The following MGMT variants were observed in gnomAD, a reference collection of about 807,000 sequenced individuals.
The protein encoded by MGMT is methylated-DNA--protein-cysteine methyltransferase.
Under a neutral mutation model 15.9 loss-of-function variants are expected in MGMT, and 14 were observed. The ratio of observed to expected loss-of-function variants is 0.88; its 90% CI spans 0.58 to 1.37. The LOEUF (loss-of-function observed/expected upper bound fraction) is 1.37. MGMT is among the 40% of genes most tolerant of loss of function. The probability of loss-of-function intolerance (pLI) is 0.00; values close to 1 mark genes in which losing one functional copy is unlikely to be tolerated. For missense variants in MGMT, 282 were observed against 268.1 expected (o/e 1.05, Z -0.36); for synonymous variants, 130 against 118.2 (o/e 1.10, Z -0.65).
intron 4 of MGMT, among the ~76,000 whole-genome samples, chr10:129,766,140 A>G (rs1029349763): frequency 3.3e-5 from 5 of 152,074 alleles, no homozygotes; most frequent in East Asian, 1.9e-4. Context: ...ATCAGCCCCT[A>G]TCAGCACAGG....
intron 2 of MGMT, among the ~76,000 whole-genome samples, chr10:129,619,349 A>G (rs1847064729): frequency 6.6e-6 from 1 of 152,196 alleles, no homozygotes; most frequent in Non-Finnish European, 1.5e-5. Flanking sequence ...CTGTATATAT[A>G]TGTGTATAAT....
intron 1 of MGMT, among the ~76,000 whole-genome samples, chr10:129,531,144 G>A (rs938232142): frequency 6.6e-6 from 1 of 152,124 alleles, no homozygotes; most frequent in African/African-American, 2.4e-5. Context: ...CCGTTGAATG[G>A]CCCTCTCTTG....
At position 129,556,882 on chromosome 10, in the gene MGMT, C is replaced by T. The variant is rs757480512; in HGVS notation, c.125+20505C>T. On this transcript the variant is annotated intron_variant, in intron 2 of 4. Transcript: ENST00000651593. This position sits in a 1 kb window ranked among gnomAD's most constrained non-coding sequence, Gnocchi z 4.3. Reference sequence around the variant, plus strand: ...AGTGAGACCAGCTTTCCCTTGAGTTCTGGGGCGGGACGTGGAATGTTTGTG... The same window carrying T: ...AGTGAGACCAGCTTTCCCTTGAGTTTTGGGGCGGGACGTGGAATGTTTGTG... 5.7e-4 allele frequency among the ~76,000 whole-genome samples: 87 copies of T among 152,060 alleles called. No individual in the cohort carries two copies. Among genetic ancestry groups the T allele is most frequent in the African/African-American group, 1.2e-3 (50 of 41,408 alleles).
intron 1 of MGMT, among the ~76,000 whole-genome samples, chr10:129,474,810 G>A (rs1845271939): frequency 6.6e-6 from 1 of 152,210 alleles, no homozygotes; most frequent in Non-Finnish European, 1.5e-5. Context: ...GTGGGCTGGT[G>A]CGGCTGAGTG....
intron 2 of MGMT, among the ~76,000 whole-genome samples, chr10:129,586,600 T>TG (rs1846621033): frequency 6.6e-6 from 1 of 152,232 alleles, no homozygotes; most frequent in Non-Finnish European, 1.5e-5. Context: ...GGTATTCCAT[T>TG]GTGTGGGGAT....
chr10:129,742,321 G>A (rs1470891013), intron 3 of MGMT, among the ~76,000 whole-genome samples: 3 of 152,214 alleles, frequency 2.0e-5, no homozygotes, highest in Non-Finnish European at 2.9e-5. Context: ...TCTACCATCC[G>A]CAGGAAAATG....
intron 2 of MGMT, among the ~76,000 whole-genome samples, chr10:129,549,896 C>T (rs925839948): frequency 6.6e-6 from 1 of 151,922 alleles, no homozygotes; most frequent in Non-Finnish European, 1.5e-5. Flanking sequence ...GTTTATTTGT[C>T]TGATATGGAG....
chr10:129,504,192 G>T (rs1038711991), intron 1 of MGMT, among the ~76,000 whole-genome samples: 1 of 152,216 alleles, frequency 6.6e-6, no homozygotes, highest in Non-Finnish European at 1.5e-5. Context: ...ACATAACGTG[G>T]CAATCAGGTG....
intron 3 of MGMT, among the ~76,000 whole-genome samples, chr10:129,751,637 CACTT>C (rs1848751612): frequency 6.6e-6 from 1 of 151,680 alleles, no homozygotes; most frequent in Non-Finnish European, 1.5e-5. Context: ...TTAATATAGA[CACTT>C]AATACTATAA....
At chr10:129,565,098 G>A (rs958255353) in intron 2 of MGMT, among the ~76,000 whole-genome samples, 2 of 152,252 alleles carry the variant, frequency 1.3e-5, no homozygotes. Flanking sequence ...CTAGCTGGGC[G>A]CTGCGTGTAG....
intron 1 of MGMT, among the ~76,000 whole-genome samples, chr10:129,497,883 G>A (rs1314559242): frequency 6.6e-6 from 1 of 152,202 alleles, no homozygotes; most frequent in Non-Finnish European, 1.5e-5. Flanking sequence ...GCCCTTATCA[G>A]ACACGGGCTC....
At chr10:129,602,419 G>A (rs971784926) in intron 2 of MGMT, among the ~76,000 whole-genome samples, 6 of 152,130 alleles carry the variant, frequency 3.9e-5, no homozygotes, top group African/African-American at 7.2e-5. Flanking sequence ...TCAGAGATGC[G>A]CTTAAAGATA....
At chr10:129,482,096 G>A (rs1845364716) in intron 1 of MGMT, among the ~76,000 whole-genome samples, 1 of 152,150 alleles carries the variant, frequency 6.6e-6, no homozygotes, top group Non-Finnish European at 1.5e-5. Context: ...GACATGCTGT[G>A]TTTTCATTTT....
Position 129,707,988 on chromosome 10 carries a change from C to A in MGMT, c.219C>A (p.Pro73=), listed in dbSNP as rs373690274. The change falls in exon 3 of 5, where the codon CCC becomes CCA. Residue 73 remains proline, a synonymous_variant. Coordinates refer to ENST00000651593, the MANE Select transcript of MGMT (RefSeq NM_002412.5). ...GGCTGAATGCCTATTTCCACCAGCC[C>A]GAGGCTATCGAAGAGTTCCCCGTGC... ...TAWLNAYFHQ[P]EAIEEFPVPA... 1 of 1,613,714 alleles carries A rather than the reference C, an allele frequency of 6.2e-7. No individual in the cohort carries two copies. Among genetic ancestry groups the A allele is most frequent in the Admixed American group, 1.7e-5 (1 of 59,988 alleles).
At chr10:129,525,284 A>G (rs1845857143) in intron 1 of MGMT, among the ~76,000 whole-genome samples, 1 of 152,202 alleles carries the variant, frequency 6.6e-6, no homozygotes, top group South Asian at 2.1e-4. Context: ...TTCAGAAAAG[A>G]AAACCAGATT....
At chr10:129,607,563 C>T (rs2133066090) in intron 2 of MGMT, among the ~76,000 whole-genome samples, 1 of 152,326 alleles carries the variant, frequency 6.6e-6, no homozygotes, top group African/African-American at 2.4e-5. Flanking sequence ...GTTAGCATTT[C>T]TGCCCTTTTA....
At chr10:129,706,844 G>A (rs1041493978) in intron 2 of MGMT, among the ~76,000 whole-genome samples, 6 of 152,106 alleles carry the variant, frequency 3.9e-5, no homozygotes, top group African/African-American at 1.4e-4. Flanking sequence ...TTTCCATGAG[G>A]GCCCACCAGG....
chr10:129,469,968 T>C (rs763877934), intron 1 of MGMT, among the ~76,000 whole-genome samples: 5 of 152,120 alleles, frequency 3.3e-5, no homozygotes, highest in Non-Finnish European at 5.9e-5. Flanking sequence ...CTCCTAGGCC[T>C]CCCAAAGTGC....
rs982034236 is a variant in MGMT at position 129,533,068 on chromosome 10, C to T, written c.-12-3173C>T. On this transcript the variant is annotated intron_variant, in intron 1 of 4. Coordinates refer to ENST00000651593, the MANE Select transcript of MGMT (RefSeq NM_002412.5). This position sits in a 1 kb window ranked among gnomAD's most constrained non-coding sequence, Gnocchi z 4.5. ...CGGAGGCAGAGCAGCCGAGAATCAA[C>T]GGTGGCCATAGCCACCACATCCTGT... Among the ~76,000 whole-genome samples, 9 of 152,244 alleles carry T rather than the reference C, an allele frequency of 5.9e-5. No homozygotes were observed. The highest frequency in any genetic ancestry group is 1.9e-4 in the African/African-American group (8 of 41,466).
Sources: gnomAD v4.1 joint callset for allele counts (sites outside exome capture counted in the v4.1 genomes callset) on GRCh38, gnomAD v4.1.1 for gene constraint, Gnocchi (gnomAD v3.1) non-coding constraint, MANE v1.5 for transcripts, NCBI Gene and HGNC (gene_info 2026-07-23, HGNC 2026-07-21) for gene names.